The following SPTB variants were observed in gnomAD, a reference collection of about 807,000 sequenced individuals.
SPTB encodes the protein spectrin beta, erythrocytic.
A neutral mutation model predicts 256.2 loss-of-function variants in SPTB; 45 were observed. That is an observed-to-expected ratio of 0.18 (90% CI 0.14 to 0.23). SPTB has a LOEUF of 0.23. SPTB is among the 10% of genes least tolerant of loss of function. The probability of loss-of-function intolerance (pLI) is 1.00; values close to 1 mark genes in which losing one functional copy is unlikely to be tolerated. For missense variants in SPTB, 2,715 were observed against 3,040.4 expected (o/e 0.89, Z 2.52); for synonymous variants, 1,231 against 1,243.1 (o/e 0.99, Z 0.21).
Position 64,786,584 on chromosome 14 carries a change from C to G in SPTB, c.3381G>C (p.Val1127=), listed in dbSNP as rs371215522. 8 of 1,614,214 alleles carry G rather than the reference C, an allele frequency of 5.0e-6. No homozygotes were observed. Among genetic ancestry groups the G allele is most frequent in the Non-Finnish European group, 6.8e-6 (8 of 1,180,042 alleles). The part of the protein sequence containing the change: ...YQRVKESGEK[V]IQGQTDPEYL... The stretch of plus-strand genomic sequence containing the variant: ...ACTCTGGGTCCGTCTGGCCTTGGAT[C>G]ACTTTCTCCCCAGACTCCTTAACAC... Residue 1127 remains valine, a synonymous_variant, in exon 16 of 36, where the codon GTG becomes GTC. Coordinates refer to ENST00000644917, the MANE Select transcript of SPTB (RefSeq NM_001355436.2). This position sits in a 1 kb window ranked among gnomAD's most constrained non-coding sequence, Gnocchi z 5.6.
intron 9 of SPTB, among the ~76,000 whole-genome samples, chr14:64,798,826 G>T (rs2082824896): frequency 6.6e-6 from 1 of 152,246 alleles, no homozygotes. Context: ...TGAATGCAGA[G>T]TGTGGGAGAT....
chr14:64,750,653 G>T (rs2081931728), intron 33 of SPTB, among the ~76,000 whole-genome samples: 1 of 151,952 alleles, frequency 6.6e-6, no homozygotes, highest in Admixed American at 6.6e-5. Flanking sequence ...GCGCATGCCT[G>T]CAGTCTCAGC....
At position 64,779,053 on chromosome 14, in the gene SPTB, C is replaced by T; in HGVS notation, c.4563+104G>A. ...CAAAGCTACCAACAAGAACAATAAT[C>T]TGCTGTTGCTAGCCTTCTGCAGGTC... On this transcript the variant is annotated intron_variant, in intron 22 of 35. Coordinates refer to ENST00000644917, the MANE Select transcript of SPTB (RefSeq NM_001355436.2). The surrounding 1 kb of genome is among the most constrained non-coding windows in gnomAD (Gnocchi z 4.2). 4 of 828,656 alleles carry T rather than the reference C, an allele frequency of 4.8e-6. No individual in the cohort carries two copies. The highest frequency in any genetic ancestry group is 2.0e-5 in the Admixed American group (1 of 49,546). 51.3% of individuals were successfully genotyped at this position (828,656 alleles called of 1,614,324 possible). A position where few individuals can be genotyped will look rare whatever the true frequency, so the allele number is the denominator to read the frequency against.
intron 1 of SPTB, among the ~76,000 whole-genome samples, chr14:64,875,840 C>G (rs1220754815): frequency 6.6e-6 from 1 of 152,220 alleles, no homozygotes; most frequent in Non-Finnish European, 1.5e-5. Context: ...GCCCACATAG[C>G]ACAGTTATTT....
rs1307725777 is a variant in SPTB, at chr14:64,777,004, C to A, written c.4564-1601G>T. Among the ~76,000 whole-genome samples the A allele has an allele frequency of 6.6e-6, 1 of 152,206 alleles. No individual in the cohort carries two copies. The highest frequency in any genetic ancestry group is 6.5e-5 in the Admixed American group (1 of 15,280). The stretch of plus-strand genomic sequence containing the variant: ...GAATAAACAAAGGCTGGGCCTTCCT[C>A]CCTGGGGGCTACGAGGAAAAGACAA... On this transcript the variant is annotated intron_variant, in intron 22 of 35. Coordinates refer to ENST00000644917, the MANE Select transcript of SPTB (RefSeq NM_001355436.2). This position sits in a 1 kb window ranked among gnomAD's most constrained non-coding sequence, Gnocchi z 4.5.
chr14:64,755,421 T>C (rs112284275), intron 32 of SPTB: 3 of 152,198 alleles, frequency 2.0e-5, no homozygotes, highest in African/African-American at 7.2e-5. Context: ...ACTGGTCATG[T>C]TTGTATCTCA....
At chr14:64,862,851 A>C (rs1000315495) in intron 1 of SPTB, among the ~76,000 whole-genome samples, 2 of 133,572 alleles carry the variant, frequency 1.5e-5, no homozygotes, top group Non-Finnish European at 3.2e-5. Flanking sequence ...AAAAAGCTAA[A>C]ACAAATAAAC....
At chr14:64,846,015 T>G (rs1223852936) in intron 1 of SPTB, among the ~76,000 whole-genome samples, 1 of 152,176 alleles carries the variant, frequency 6.6e-6, no homozygotes, top group Non-Finnish European at 1.5e-5. Context: ...TGAAGCACTG[T>G]TGCAACCACA....
intron 1 of SPTB, among the ~76,000 whole-genome samples, chr14:64,831,503 G>C (rs569049217): frequency 6.6e-6 from 1 of 152,330 alleles, no homozygotes; most frequent in South Asian, 2.1e-4. Flanking sequence ...AAAACAAGGA[G>C]ACCCCACAGG....
chr14:64,812,905 A>T (rs2083118514), intron 2 of SPTB, among the ~76,000 whole-genome samples: 1 of 152,174 alleles, frequency 6.6e-6, no homozygotes, highest in Non-Finnish European at 1.5e-5. Context: ...CTGTTAAAAA[A>T]ATTTGCTTTC....
At position 64,824,478 on chromosome 14, in the gene SPTB, A is replaced by C. The variant is rs1436345982; in HGVS notation, c.-51-1333T>G. Among the ~76,000 whole-genome samples, 1 of 152,162 alleles carries C rather than the reference A, an allele frequency of 6.6e-6. No individual in the cohort carries two copies. The highest frequency in any genetic ancestry group is 1.5e-5 in the Non-Finnish European group (1 of 68,014). On this transcript the variant is annotated intron_variant, in intron 1 of 35. Transcript: ENST00000644917. This position sits in a 1 kb window ranked among gnomAD's most constrained non-coding sequence, Gnocchi z 5.7. ...CCTAGGAAAACTATTAGCTTTCTTC[A>C]TCTGTACCTGACATTTGGTCCTCTT...
chr14:64,811,635 T>C (rs77930803), intron 2 of SPTB, among the ~76,000 whole-genome samples: 2,275 of 152,296 alleles, frequency 0.015, 64 homozygotes, highest in African/African-American at 0.053. Context: ...ACCCCCAACA[T>C]AGATCAGCAA....
At chr14:64,783,160 A>C (rs937338100) in intron 19 of SPTB, among the ~76,000 whole-genome samples, 1 of 152,094 alleles carries the variant, frequency 6.6e-6, no homozygotes, top group Admixed American at 6.5e-5. Context: ...GGGTGGGCAC[A>C]GTGTGATATA....
Position 64,747,133 on chromosome 14 carries a change from C to T in SPTB, c.*2173G>A, listed in dbSNP as rs1444328059. On this transcript the variant is annotated 3_prime_UTR_variant, in exon 36 of 36. Transcript: ENST00000644917. ...GCTAGCTCTTCCACTAGAGCCCTTCCTTTCTCGGGTCTGTGGAGTTGCTTG... is the reference window on the plus strand; with the variant it reads ...GCTAGCTCTTCCACTAGAGCCCTTCTTTTCTCGGGTCTGTGGAGTTGCTTG... The T allele has an allele frequency of 6.6e-6, 1 of 152,532 alleles. No individual in the cohort carries two copies. Among genetic ancestry groups the T allele is most frequent in the Non-Finnish European group, 1.5e-5 (1 of 68,066 alleles). The allele number at this position is 152,532 out of a possible 1,614,324, so 9.4% of individuals were successfully genotyped here. A position where few individuals can be genotyped will look rare whatever the true frequency, so the allele number is the denominator to read the frequency against.
intron 1 of SPTB, among the ~76,000 whole-genome samples, chr14:64,867,578 G>T (rs960460289): frequency 6.6e-6 from 1 of 152,208 alleles, no homozygotes; most frequent in African/African-American, 2.4e-5. Flanking sequence ...GCTGTGCTGG[G>T]TGCGGAGGCT....
Position 64,807,448 on chromosome 14 carries a change from C to T in SPTB, c.149-2358G>A, listed in dbSNP as rs769835198. Among the ~76,000 whole-genome samples, 45 of 152,178 alleles carry T rather than the reference C, an allele frequency of 3.0e-4. No individual in the cohort carries two copies. Among genetic ancestry groups the T allele is most frequent in the Admixed American group, 1.8e-3 (27 of 15,276 alleles). The stretch of plus-strand genomic sequence containing the variant: ...CCCAGTTTTTACCACATGAATGATG[C>T]CCCCTGGACCCTCAAACGTGGGAGC... On this transcript the variant is annotated intron_variant, in intron 2 of 35. Coordinates refer to ENST00000644917, the MANE Select transcript of SPTB (RefSeq NM_001355436.2). The surrounding 1 kb of genome is among the most constrained non-coding windows in gnomAD (Gnocchi z 4.7).
chr14:64,831,635 C>T (rs935074285), intron 1 of SPTB, among the ~76,000 whole-genome samples: 7 of 152,184 alleles, frequency 4.6e-5, no homozygotes, highest in Non-Finnish European at 8.8e-5. Flanking sequence ...TGCCAGGACT[C>T]AGGCAGGCTA....
Position 64,774,488 on chromosome 14 carries a change from G to A in SPTB, c.4882C>T (p.Arg1628Trp), listed in dbSNP as rs1457032754. The change falls in exon 24 of 36, where the codon CGG becomes TGG. Residue 1628 changes from arginine (R) to tryptophan (W), a missense_variant. Physicochemically the swap from Arg to Trp is moderately radical, Grantham distance 101. Around this residue, in one of 4 missense-constraint regions of SPTB, gnomAD observed 2,239 missense variants for 2,384.4 expected, o/e 0.94. Coordinates refer to ENST00000644917, the MANE Select transcript of SPTB (RefSeq NM_001355436.2). ...TAGTCCTCCACCGCACGCTGCTGCC[G>A]CAAATGTCGCTTCAGCATCACAATG... ...GAIVMLKRHL[R>W]QQRAVEDYGR... is the part of the protein sequence containing the mutation. 10 of 1,555,338 alleles carry A rather than the reference G, an allele frequency of 6.4e-6. No homozygotes were observed. The highest frequency in any genetic ancestry group is 2.7e-5 in the African/African-American group (2 of 73,402).
chr14:64,837,973 T>C (rs1042067756), intron 1 of SPTB, among the ~76,000 whole-genome samples: 14 of 152,212 alleles, frequency 9.2e-5, no homozygotes, highest in Non-Finnish European at 1.8e-4. Context: ...CAAAGCCATT[T>C]TGAAAGAAGA....
Sources: gnomAD v4.1 joint callset for allele counts (sites outside exome capture counted in the v4.1 genomes callset) on GRCh38, gnomAD v4.1.1 for gene constraint, gnomAD v4.1.1 regional missense constraint, Gnocchi (gnomAD v3.1) non-coding constraint, MANE v1.5 for transcripts, NCBI Gene and HGNC (gene_info 2026-07-23, HGNC 2026-07-21) for gene names.